ARFGEF3: variants seen among roughly 807,000 people sequenced by gnomAD.
ARFGEF3 encodes brefeldin A-inhibited guanine nucleotide-exchange protein 3.
In ARFGEF3, 96 loss-of-function variants were observed where a neutral mutation model predicts 221.7. The ratio of observed to expected loss-of-function variants is 0.43; its 90% CI spans 0.37 to 0.51. The LOEUF is 0.51. ARFGEF3 is among the 20% of genes least tolerant of loss of function. ARFGEF3 has a pLI of 0.00. For missense variants in ARFGEF3, 2,410 were observed against 2,789.9 expected, an observed-to-expected ratio of 0.86 and a Z score of 3.07; for synonymous variants, 1,145 against 1,126.8, an observed-to-expected ratio of 1.02 and a Z score of -0.32.
At chr6:138,166,218 T>A (rs1036216734) in intron 1 of ARFGEF3, among the ~76,000 whole-genome samples, 5 of 152,228 alleles carry the variant, frequency 3.3e-5, no homozygotes, top group Non-Finnish European at 7.3e-5. Context: ...TTTAACTACT[T>A]GTTTGAGTTT....
intron 23 of ARFGEF3, 47 bp downstream of exon 23, chr6:138,307,444 G>A (rs775805420): frequency 1.9e-6 from 3 of 1,559,494 alleles, no homozygotes; most frequent in East Asian, 2.3e-5. Context: ...AATTCTCTGT[G>A]CCAAGTTTCA....
Position 138,255,486 on chromosome 6 carries a change from A to G in ARFGEF3, c.821A>G (p.Asp274Gly). 1.9e-6 allele frequency: 3 copies of G among 1,612,946 alleles called. No homozygotes were observed. The highest frequency in any genetic ancestry group is 1.7e-5 in the Admixed American group (1 of 60,004). The change falls in exon 10 of 34, where the codon GAC becomes GGC. Residue 274 changes from aspartate to glycine, a missense_variant. Physicochemically the swap from Asp to Gly is moderately conservative, Grantham distance 94. Transcript: ENST00000251691. ...LIVILGNPIH[D>G]KTITSAHTSS... ...GTGATCTTGGGGAATCCAATTCATG[A>G]CAAAACCATCACCTCTGCTCACACC...
rs775031126 is a variant in ARFGEF3 at position 138,291,883 on chromosome 6, C to G, written c.3198C>G (p.Ser1066Arg). The G allele has an allele frequency of 5.3e-6, 8 of 1,500,230 alleles. No homozygotes were observed. The South Asian group carries it at 1.0e-4, about 19-fold the overall frequency. 92.9% of individuals were successfully genotyped at this position (1,500,230 alleles called of 1,614,324 possible). A position where few individuals can be genotyped will look rare whatever the true frequency, so the allele number is the denominator to read the frequency against. ...PECEGSPPEH[S>R]PEQGRSLSTA... ...GTGAGGGCTCGCCCCCCGAGCACAG[C>G]CCGGAGCAGGGGCGCTCCCTGAGCA... The change falls in exon 19 of 34, where the codon AGC becomes AGG. Residue 1066 changes from serine to arginine, a missense_variant. Transcript: ENST00000251691. This position sits in a 1 kb window ranked among gnomAD's most constrained non-coding sequence, Gnocchi z 4.5.
In ARFGEF3 at chr6:138,209,939, C is replaced by G. The variant is rs1244386149; in HGVS notation, c.249C>G (p.Ser83=). 6.2e-7 allele frequency: 1 copy of G among 1,613,718 alleles called. No individual in the cohort carries two copies. Among genetic ancestry groups the G allele is most frequent in the Admixed American group, 1.7e-5 (1 of 60,018 alleles). The change falls in exon 4 of 34, where the codon TCC becomes TCG. Residue 83 remains serine (S), a synonymous_variant. Coordinates refer to ENST00000251691, the MANE Select transcript of ARFGEF3 (RefSeq NM_020340.5). The part of the protein sequence containing the change: ...QKLLSEERFV[S]METDSDEKQL... ...TTCTGTCGGAAGAGAGGTTTGTATC[C>G]ATGGAAACAGATTCTGATGAGAAGC... is the stretch of plus-strand genomic sequence containing the variant.
rs906727997 is a variant in ARFGEF3 at position 138,162,672 on chromosome 6, C to T, written c.85+501C>T. 6.6e-6 allele frequency among the ~76,000 whole-genome samples: 1 copy of T among 152,170 alleles called. No individual in the cohort carries two copies. The highest frequency in any genetic ancestry group is 2.4e-5 in the African/African-American group (1 of 41,438). On this transcript the variant is annotated intron_variant, in intron 1 of 33. Transcript: ENST00000251691. The surrounding 1 kb of genome is among the most constrained non-coding windows in gnomAD (Gnocchi z 4.7). ...CCTGGTTATTGCACATGAAAAATAA[C>T]ATACGGGCGGGGATCATGTTACCTC... is the stretch of plus-strand genomic sequence containing the variant.
chr6:138,289,370 T>C (rs1346375026), intron 17 of ARFGEF3, among the ~76,000 whole-genome samples: 1 of 152,282 alleles, frequency 6.6e-6, no homozygotes, highest in Non-Finnish European at 1.5e-5. Flanking sequence ...CGTAAATAAG[T>C]TGTTTTAGAG....
At chr6:138,255,056 C>T (rs1031075560) in intron 9 of ARFGEF3, among the ~76,000 whole-genome samples, 3 of 152,148 alleles carry the variant, frequency 2.0e-5, no homozygotes, top group Non-Finnish European at 4.4e-5. Flanking sequence ...CTGGGCTTAT[C>T]GACAGGAAGG....
Position 138,206,028 on chromosome 6 carries a change from A to G in ARFGEF3, c.138-1014A>G, listed in dbSNP as rs1269874860. Among the ~76,000 whole-genome samples, 3 of 152,350 alleles carry G rather than the reference A, an allele frequency of 2.0e-5. No individual in the cohort carries two copies. The East Asian group carries it at 5.8e-4, about 29-fold the overall frequency. On this transcript the variant is annotated intron_variant, in intron 2 of 33. Coordinates refer to ENST00000251691, the MANE Select transcript of ARFGEF3 (RefSeq NM_020340.5). ...CTCCAATGATGAAATCCTATAGTCTAATGTGGTAGCTTTCACACTCTAAAA... is the reference window on the plus strand; with the variant it reads ...CTCCAATGATGAAATCCTATAGTCTGATGTGGTAGCTTTCACACTCTAAAA...
At chr6:138,181,037 C>T (rs898593547) in intron 2 of ARFGEF3, among the ~76,000 whole-genome samples, 11 of 152,292 alleles carry the variant, frequency 7.2e-5, no homozygotes, top group African/African-American at 2.6e-4. Flanking sequence ...CAACCAGCTG[C>T]GTCTGTGGGC....
chr6:138,339,478 TGA>T lies in ARFGEF3; in HGVS notation c.*2996_*2997del, dbSNP rs1436715416. 1.3e-5 allele frequency: 2 copies of T among 152,240 alleles called. No individual in the cohort carries two copies. The highest frequency in any genetic ancestry group is 4.8e-5 in the African/African-American group (2 of 41,458). 9.4% of individuals were successfully genotyped at this position (152,240 alleles called of 1,614,324 possible). A position where few individuals can be genotyped will look rare whatever the true frequency, so the allele number is the denominator to read the frequency against. On this transcript the variant is annotated 3_prime_UTR_variant, in exon 34 of 34. Transcript: ENST00000251691. ...CATGTATTTACAGACCTAAGCAGAA[TGA>T]GAGTTTATACATTGTTTTTAGTTGC...
At position 138,296,965 on chromosome 6, in the gene ARFGEF3, G is replaced by A. The variant is rs1190761141; in HGVS notation, c.3648+10G>A. On this transcript the variant is annotated intron_variant, in intron 21 of 33. Coordinates refer to ENST00000251691, the MANE Select transcript of ARFGEF3 (RefSeq NM_020340.5). ...CCCACACCTGGTGGAGGTGAGCACT[G>A]GGAAGGTGGGAAGAGGCTGGAACTG... 1.2e-6 allele frequency: 2 copies of A among 1,606,378 alleles called. No homozygotes were observed. Among genetic ancestry groups the A allele is most frequent in the Non-Finnish European group, 1.7e-6 (2 of 1,177,108 alleles).
intron 2 of ARFGEF3, among the ~76,000 whole-genome samples, chr6:138,199,544 G>A (rs1777495882): frequency 6.6e-6 from 1 of 152,166 alleles, no homozygotes; most frequent in Non-Finnish European, 1.5e-5. Context: ...TGTCGTCTAT[G>A]ATTTCTTTCA....
At position 138,335,248 on chromosome 6, in the gene ARFGEF3, C is replaced by T. The variant is rs73776903; in HGVS notation, c.6342+60C>T. 2.7e-5 allele frequency: 39 copies of T among 1,453,744 alleles called. No homozygotes were observed. In the South Asian group the frequency reaches 4.8e-4, roughly 18 times the overall value. The allele number at this position is 1,453,744 out of a possible 1,614,324, so 90.1% of individuals were successfully genotyped here. A position where few individuals can be genotyped will look rare whatever the true frequency, so the allele number is the denominator to read the frequency against. On this transcript the variant is annotated intron_variant, in intron 33 of 33. Transcript: ENST00000251691. ...GCTGGGTTTCCAGTACTGGATGGGC[C>T]CCCCCTTGCAGAGCAGGCATACACA...
chr6:138,162,246 G>A lies in ARFGEF3; in HGVS notation c.85+75G>A. 1 of 1,095,622 alleles carries A rather than the reference G, an allele frequency of 9.1e-7. No individual in the cohort carries two copies. Among genetic ancestry groups the A allele is most frequent in the Non-Finnish European group, 1.3e-6 (1 of 767,962 alleles). 67.9% of individuals were successfully genotyped at this position (1,095,622 alleles called of 1,614,324 possible). On this transcript the variant is annotated intron_variant, in intron 1 of 33. Transcript: ENST00000251691. This position sits in a 1 kb window ranked among gnomAD's most constrained non-coding sequence, Gnocchi z 4.7. ...GCTGAACCCGCGCCTCCGCGCGTGG[G>A]GCTTTCGCGGAGCGTCGGTCATGGG...
At chr6:138,327,761 G>A (rs1329233876) in intron 31 of ARFGEF3, among the ~76,000 whole-genome samples, 1 of 152,170 alleles carries the variant, frequency 6.6e-6, no homozygotes, top group Admixed American at 6.5e-5. Flanking sequence ...GGGGTATAAT[G>A]AATTGTCACA....
At chr6:138,165,299 C>G (rs1270884187) in intron 1 of ARFGEF3, among the ~76,000 whole-genome samples, 8 of 150,206 alleles carry the variant, frequency 5.3e-5, no homozygotes, top group Admixed American at 4.6e-4. Flanking sequence ...GATTTAGACC[C>G]TCATAAGAGA....
chr6:138,306,838 C>G (rs1468447497), intron 22 of ARFGEF3, among the ~76,000 whole-genome samples: 3 of 148,608 alleles, frequency 2.0e-5, no homozygotes, highest in African/African-American at 7.4e-5. Flanking sequence ...TGGACTTCAC[C>G]AAAATTAAGA....
At chr6:138,295,627 CAAAA>C (rs34138067) in intron 20 of ARFGEF3, among the ~76,000 whole-genome samples, 5 of 126,040 alleles carry the variant, frequency 4.0e-5, no homozygotes, top group Non-Finnish European at 8.4e-5. Flanking sequence ...GAGACTCCCT[CAAAA>C]AAAAAAAAAG....
In ARFGEF3 at chr6:138,291,083, C is replaced by T. The variant is rs1779395191; in HGVS notation, c.3048-650C>T. ...ACTCCGAGATGAGGGACCTTGCGAA[C>T]CATCTTCGTCCCAGGTTCTGTTGGG... On this transcript the variant is annotated intron_variant, in intron 18 of 33. Coordinates refer to ENST00000251691, the MANE Select transcript of ARFGEF3 (RefSeq NM_020340.5). This position sits in a 1 kb window ranked among gnomAD's most constrained non-coding sequence, Gnocchi z 4.5. Among the ~76,000 whole-genome samples the T allele has an allele frequency of 6.6e-6, 1 of 152,268 alleles. No individual in the cohort carries two copies. The highest frequency in any genetic ancestry group is 2.4e-5 in the African/African-American group (1 of 41,544).
Sources: gnomAD v4.1 joint callset for allele counts (sites outside exome capture counted in the v4.1 genomes callset) on GRCh38, gnomAD v4.1.1 for gene constraint, Gnocchi (gnomAD v3.1) non-coding constraint, MANE v1.5 for transcripts, NCBI Gene and HGNC (gene_info 2026-07-23, HGNC 2026-07-21) for gene names.